Variants in AP3D1 observed in about 807,000 individuals in gnomAD.
The protein encoded by AP3D1 is adaptor related protein complex 3 subunit delta 1, also known as AP-3 complex subunit delta-1.
AP3D1 carries 51 observed loss-of-function variants against 147.6 expected under a neutral mutation model. That is an observed-to-expected ratio of 0.35 (90% CI 0.28 to 0.44). The LOEUF (loss-of-function observed/expected upper bound fraction) is 0.44, where lower values mean the gene tolerates loss of function less well. Ranked by LOEUF, AP3D1 falls within the 20% of genes least tolerant of loss-of-function variation. The probability of loss-of-function intolerance (pLI) is 1.00; values close to 1 mark genes in which losing one functional copy is unlikely to be tolerated. For missense variants in AP3D1, 1,421 were observed against 1,624.2 expected (o/e 0.87, Z 2.15); for synonymous variants, 760 against 663.0 (o/e 1.15, Z -2.25).
chr19:2,119,154 G>A (rs531866733), intron 14 of AP3D1, among the ~76,000 whole-genome samples: 5 of 152,338 alleles, frequency 3.3e-5, no homozygotes, highest in African/African-American at 7.2e-5. Context: ...AGACGGAACC[G>A]GGAGACCCTG....
intron 2 of AP3D1, 152 bp downstream of exon 2, chr19:2,138,467 C>T (rs569002807): frequency 1.5e-6 from 1 of 658,958 alleles, no homozygotes; most frequent in South Asian, 1.7e-5. Context: ...TGGCTTTCTG[C>T]TCCAGGACTC....
At chr19:2,119,170 T>C (rs941502113) in intron 14 of AP3D1, among the ~76,000 whole-genome samples, 1 of 152,202 alleles carries the variant, frequency 6.6e-6, no homozygotes, top group African/African-American at 2.4e-5. Flanking sequence ...CCCTGATCTG[T>C]GGGACAGTGG....
chr19:2,114,680 G>T, intron 21 of AP3D1, 68 bp downstream of exon 21: 1 of 1,404,600 alleles, frequency 7.1e-7, no homozygotes, highest in Admixed American at 1.7e-5. Context: ...CACCCGGAAG[G>T]GAGGACGAGA....
At chr19:2,150,687 T>G (rs2019482869) in intron 1 of AP3D1, among the ~76,000 whole-genome samples, 1 of 152,004 alleles carries the variant, frequency 6.6e-6, no homozygotes, top group South Asian at 2.1e-4. Context: ...GGACACGCAT[T>G]TACACGACCC....
chr19:2,162,745 C>A (rs910474849), intron 1 of AP3D1, among the ~76,000 whole-genome samples: 1 of 151,934 alleles, frequency 6.6e-6, no homozygotes, highest in African/African-American at 2.4e-5. Flanking sequence ...GCTTTAATCA[C>A]CAGGGGCTGT....
chr19:2,114,984 G>A (rs911032297), intron 20 of AP3D1, among the ~76,000 whole-genome samples, 163 bp from the exon 21 acceptor site: 2 of 152,232 alleles, frequency 1.3e-5, no homozygotes, highest in South Asian at 2.1e-4. Flanking sequence ...CACTAAGGGC[G>A]GCTGGGCCCC....
rs755789289 is a variant in AP3D1, at chr19:2,102,043, G to A, written c.*130C>T. ...AAATGACCTCGGATGTCTACACGGCGGACAACATAGAGTTAAATTAACACT... is the reference window on the plus strand; with the variant it reads ...AAATGACCTCGGATGTCTACACGGCAGACAACATAGAGTTAAATTAACACT... On this transcript the variant is annotated 3_prime_UTR_variant, in exon 32 of 32. Coordinates refer to ENST00000643116, the MANE Select transcript of AP3D1 (RefSeq NM_001261826.3). The A allele has an allele frequency of 3.0e-5, 21 of 693,384 alleles. No individual in the cohort carries two copies. In the Admixed American group the frequency reaches 3.6e-4, roughly 12 times the overall value. 43.0% of individuals were successfully genotyped at this position (693,384 alleles called of 1,614,324 possible).
At chr19:2,149,695 T>C (rs2238612) in intron 1 of AP3D1, among the ~76,000 whole-genome samples, 76,415 of 151,924 alleles carry the variant, frequency 0.5, 19,329 homozygotes, top group East Asian at 0.54. Flanking sequence ...CTGAAAACCA[T>C]GCCCCAGACT....
Position 2,120,945 on chromosome 19 carries a change from T to C in AP3D1, c.1398A>G (p.Ala466=). Residue 466 remains alanine (A), a synonymous_variant, in exon 14 of 32, where the codon GCA becomes GCG. Coordinates refer to ENST00000643116, the MANE Select transcript of AP3D1 (RefSeq NM_001261826.3). ...VSQMSALLDS[A]HLLASSTQRN... ...GCTGGGTGCTGCTGGCCAGCAGGTGTGCACTGTCAAGCAGCGCAGACATCT... is the reference window on the plus strand; with the variant it reads ...GCTGGGTGCTGCTGGCCAGCAGGTGCGCACTGTCAAGCAGCGCAGACATCT... The C allele has an allele frequency of 6.2e-7, 1 of 1,612,116 alleles. No individual in the cohort carries two copies. Among genetic ancestry groups the C allele is most frequent in the Non-Finnish European group, 8.5e-7 (1 of 1,180,004 alleles).
At chr19:2,153,413 C>T (rs981407849), upstream of AP3D1, among the ~76,000 whole-genome samples, 1 of 135,890 alleles carries the variant, frequency 7.4e-6, no homozygotes, top group African/African-American at 2.8e-5. Context: ...CAGCGGTTCA[C>T]GCCTATAACC....
chr19:2,106,007 G>GA (rs1291560539), intron 31 of AP3D1, among the ~76,000 whole-genome samples: 1 of 152,130 alleles, frequency 6.6e-6, no homozygotes, highest in Non-Finnish European at 1.5e-5. Flanking sequence ...TGAGGCAGGA[G>GA]AATCGCTTGA....
In AP3D1 at chr19:2,111,731, T is replaced by C. The variant is rs1362847639; in HGVS notation, c.2885A>G (p.Glu962Gly). ...KSKKQPPGSEEAAGEPVQNGA... is the reference protein window; with the variant it reads ...KSKKQPPGSEGAAGEPVQNGA... ...ATTCTGCACCGGCTCCCCCGCTGCC[T>C]CCTCGCTGCCTGGAGGCTGCTTCTT... Residue 962 changes from glutamate to glycine, a missense_variant, in exon 25 of 32, where the codon GAG (glutamate) becomes GGG (glycine). Transcript: ENST00000643116. 1 of 1,606,740 alleles carries C rather than the reference T, an allele frequency of 6.2e-7. No individual in the cohort carries two copies. Among genetic ancestry groups the C allele is most frequent in the Non-Finnish European group, 8.5e-7 (1 of 1,177,040 alleles).
chr19:2,116,770 C>T (rs546814280), intron 16 of AP3D1, 24 bp from the exon 17 acceptor site: 2 of 1,591,216 alleles, frequency 1.3e-6, no homozygotes, highest in African/African-American at 1.3e-5. Context: ...GAGGGCCACA[C>T]AAGGCAGTGT....
chr19:2,109,974 G>T lies in AP3D1; in HGVS notation c.3265-16C>A. 1 of 1,613,356 alleles carries T rather than the reference G, an allele frequency of 6.2e-7. No individual in the cohort carries two copies. Among genetic ancestry groups the T allele is most frequent in the East Asian group, 2.2e-5 (1 of 44,868 alleles). ...CCTCGTCATTCTGCGGTGGAGTGAA[G>T]GTGGTGCAGTTGAGAGGGGAGTCGG... On this transcript the variant is annotated splice_polypyrimidine_tract_variant and intron_variant, in intron 28 of 31. Coordinates refer to ENST00000643116, the MANE Select transcript of AP3D1 (RefSeq NM_001261826.3).
At chr19:2,107,596 C>A (rs1014191897) in intron 31 of AP3D1, among the ~76,000 whole-genome samples, 6 of 151,952 alleles carry the variant, frequency 3.9e-5, no homozygotes, top group African/African-American at 1.2e-4. Flanking sequence ...AAAAATTAGC[C>A]GGGCGTGGTG....
intron 30 of AP3D1, 49 bp downstream of exon 30, chr19:2,109,037 C>T (rs573498476): frequency 1.2e-5 from 19 of 1,600,126 alleles, no homozygotes; most frequent in African/African-American, 5.4e-5. Flanking sequence ...GGACAGCTGC[C>T]GCGTGCGTGA....
At chr19:2,138,183 G>A (rs1049021182) in intron 2 of AP3D1, among the ~76,000 whole-genome samples, 3 of 152,208 alleles carry the variant, frequency 2.0e-5, no homozygotes, top group African/African-American at 7.2e-5. Context: ...CCTCCCACGG[G>A]GAAACGGGCC....
At chr19:2,108,229 A>C (rs1568274134) in intron 31 of AP3D1, among the ~76,000 whole-genome samples, 1 of 152,206 alleles carries the variant, frequency 6.6e-6, no homozygotes, top group Non-Finnish European at 1.5e-5. Flanking sequence ...TACAGACACA[A>C]AAGCCCTCAA....
intron 1 of AP3D1, among the ~76,000 whole-genome samples, chr19:2,161,155 GTTTTTTTTTTT>G (rs58654241): frequency 1.6e-5 from 2 of 125,394 alleles, no homozygotes; most frequent in South Asian, 5.4e-4. Flanking sequence ...GCTTCTCCTA[GTTTTTTTTTTT>G]TTTTTTTTTT....
Sources: allele counts gnomAD v4.1 joint callset (sites outside exome capture counted in the v4.1 genomes callset), GRCh38; gene constraint gnomAD v4.1.1; transcripts MANE v1.5; gene names NCBI Gene and HGNC (gene_info 2026-07-23, HGNC 2026-07-21).